The following ODR4 variants were observed in gnomAD, a reference collection of about 807,000 sequenced individuals.
ODR4 encodes odr-4 GPCR localization factor homolog, also known as protein odr-4 homolog.
A neutral mutation model predicts 60.2 loss-of-function variants in ODR4; 47 were observed. That is an observed-to-expected ratio of 0.78 (90% CI 0.62 to 1.00). The LOEUF (loss-of-function observed/expected upper bound fraction) is 1.00, where lower values mean the gene tolerates loss of function less well. Ranked by LOEUF, ODR4 falls within the 50% of genes least tolerant of loss-of-function variation. The pLI is 0.00. For synonymous variants in ODR4, 178 were observed against 175.5 expected (o/e 1.01, Z -0.11); for missense variants, 488 against 530.8 (o/e 0.92, Z 0.79).
At chr1:186,428,398 C>T in the ODR4 span, among the ~76,000 whole-genome samples, 1 of 152,210 alleles carries the variant, frequency 6.6e-6, no homozygotes, top group Non-Finnish European at 1.5e-5. Context: ...CCTCACCTCT[C>T]TTAGTCTTCA....
At chr1:186,381,332 C>CTTCTTTTTTTTTTTTTTTTTTTTT (rs1558057831) in intron 2 of ODR4, among the ~76,000 whole-genome samples, 8 of 144,600 alleles carry the variant, frequency 5.5e-5, no homozygotes, top group African/African-American at 2.0e-4. Context: ...GGCCTTCCTT[C>CTTCTTTTTTTTTTTTTTTTTTTTT]TTTTTTTTTT....
At chr1:186,382,722 T>G (rs994153790) in intron 2 of ODR4, among the ~76,000 whole-genome samples, 1 of 152,238 alleles carries the variant, frequency 6.6e-6, no homozygotes, top group Non-Finnish European at 1.5e-5. Context: ...ATTCATTCAC[T>G]CATCCAGTAA....
intron 12 of ODR4, among the ~76,000 whole-genome samples, chr1:186,409,629 T>G (rs536926522): frequency 6.6e-6 from 1 of 152,338 alleles, no homozygotes; most frequent in African/African-American, 2.4e-5. Context: ...CACTGCAACC[T>G]CTGCCTCCCG....
At chr1:186,388,420 T>C (rs922946651) in intron 4 of ODR4, 22 bp from the exon 5 acceptor site, 6 of 1,327,084 alleles carry the variant, frequency 4.5e-6, no homozygotes, top group South Asian at 1.4e-5. Flanking sequence ...ATTCAATTAG[T>C]GTGTATTTTT....
chr1:186,426,669 C>G, the ODR4 span, among the ~76,000 whole-genome samples: 4 of 152,132 alleles, frequency 2.6e-5, no homozygotes, highest in Non-Finnish European at 5.9e-5. Flanking sequence ...GCCCATATCT[C>G]ATTGGGGAAG....
the ODR4 span, among the ~76,000 whole-genome samples, chr1:186,429,387 T>A: frequency 2.0e-5 from 3 of 152,342 alleles, 1 homozygote; most frequent in South Asian, 6.2e-4. Flanking sequence ...TAGACTTGCT[T>A]GATGCAGGGT....
At chr1:186,389,453 C>T (rs138235993) in intron 5 of ODR4, 135 bp from the exon 6 acceptor site, 262 of 647,594 alleles carry the variant, frequency 4.0e-4, no homozygotes, top group Admixed American at 1.3e-3. Flanking sequence ...CATATATGTA[C>T]GCATATCTTT....
rs1044316675 is a variant in ODR4, at chr1:186,407,297, C to A, written c.1186+1029C>A. Among the ~76,000 whole-genome samples, 178 of 152,130 alleles carry A rather than the reference C, an allele frequency of 1.2e-3. 1 individual carries two copies. Among genetic ancestry groups the A allele is most frequent in the Non-Finnish European group, 2.1e-3 (142 of 67,978 alleles). On this transcript the variant is annotated intron_variant, in intron 12 of 13. Coordinates refer to ENST00000287859, the MANE Select transcript of ODR4 (RefSeq NM_017847.6). ...AATATTTCTAAAGATATAACTGTAG[C>A]AGATGGAAAGTATCTGCTTTTTGAA...
At chr1:186,383,288 T>A in intron 3 of ODR4, 132 bp downstream of exon 3, 2 of 1,015,800 alleles carry the variant, frequency 2.0e-6, no homozygotes, top group Non-Finnish European at 2.8e-6. Flanking sequence ...ATTTTTAGTC[T>A]GGGTGTCTAG....
intron 4 of ODR4, among the ~76,000 whole-genome samples, chr1:186,386,720 A>G (rs894260244): frequency 2.0e-5 from 3 of 152,176 alleles, no homozygotes; most frequent in African/African-American, 7.2e-5. Context: ...ATTCTGTCAC[A>G]CCTTCCATTT....
At chr1:186,390,961 A>G in intron 7 of ODR4, 110 bp downstream of exon 7, 2 of 1,179,970 alleles carry the variant, frequency 1.7e-6, no homozygotes, top group Non-Finnish European at 2.4e-6. Context: ...CATTCTGCTT[A>G]CAATGTTGTT....
chr1:186,387,674 A>G, intron 4 of ODR4, among the ~76,000 whole-genome samples: 1 of 152,236 alleles, frequency 6.6e-6, no homozygotes, highest in Middle Eastern at 3.4e-3. Context: ...TTTCCGGAAG[A>G]ATTTCTTTTT....
intron 2 of ODR4, among the ~76,000 whole-genome samples, chr1:186,382,108 T>C (rs1303204118): frequency 6.6e-6 from 1 of 152,066 alleles, no homozygotes; most frequent in Non-Finnish European, 1.5e-5. Flanking sequence ...TTAACTGATA[T>C]TACAGCTGAA....
chr1:186,388,977 A>C (rs186668356), intron 5 of ODR4, among the ~76,000 whole-genome samples: 32 of 152,286 alleles, frequency 2.1e-4, no homozygotes, highest in African/African-American at 7.2e-4. Flanking sequence ...CATCGGAGAA[A>C]TTCTTATGTC....
At chr1:186,377,200 A>C (rs1659815881) in intron 1 of ODR4, among the ~76,000 whole-genome samples, 2 of 152,256 alleles carry the variant, frequency 1.3e-5, no homozygotes, top group Non-Finnish European at 2.9e-5. Flanking sequence ...AATAGTGACA[A>C]GAAAAAACAT....
At chr1:186,381,174 GAGA>G (rs1660003872) in intron 2 of ODR4, among the ~76,000 whole-genome samples, 1 of 152,286 alleles carries the variant, frequency 6.6e-6, no homozygotes, top group East Asian at 1.9e-4. Flanking sequence ...AAACATTTAA[GAGA>G]AGAAGAGTCT....
chr1:186,415,372 TATAAGAAC>T (rs1351705740), intron 12 of ODR4, among the ~76,000 whole-genome samples: 18 of 152,338 alleles, frequency 1.2e-4, no homozygotes, highest in Non-Finnish European at 1.6e-4. Context: ...CAAAGATGTC[TATAAGAAC>T]ATTGTAAATT....
At chr1:186,424,694 C>T (rs1172083996), downstream of ODR4, among the ~76,000 whole-genome samples, 12 of 151,870 alleles carry the variant, frequency 7.9e-5, no homozygotes, top group Non-Finnish European at 1.2e-4. Flanking sequence ...TACTCATGCA[C>T]ATGATTGGCA....
At chr1:186,382,695 A>G (rs1660086618) in intron 2 of ODR4, among the ~76,000 whole-genome samples, 1 of 152,244 alleles carries the variant, frequency 6.6e-6, no homozygotes, top group African/African-American at 2.4e-5. Context: ...TAAGCATATT[A>G]CTTTTTAGTT....
Sources: gnomAD v4.1 joint callset for allele counts (sites outside exome capture counted in the v4.1 genomes callset) on GRCh38, gnomAD v4.1.1 for gene constraint, MANE v1.5 for transcripts, NCBI Gene and HGNC (gene_info 2026-07-23, HGNC 2026-07-21) for gene names.